PCNX2: variants seen among roughly 807,000 people sequenced by gnomAD.
PCNX2 encodes the protein pecanex-like protein 2.
PCNX2 carries 168 observed loss-of-function variants against 223.8 expected under a neutral mutation model. The observed-to-expected ratio is 0.75, with a 90% CI of 0.66 to 0.85. The LOEUF (loss-of-function observed/expected upper bound fraction) is 0.85. Among genes scored for constraint, PCNX2 ranks in the 40% least tolerant of loss-of-function variants. PCNX2 has a pLI of 0.00. For missense variants in PCNX2, 2,507 were observed against 2,675.5 expected, an observed-to-expected ratio of 0.94 and a Z score of 1.39; for synonymous variants, 1,006 against 1,052.6, an observed-to-expected ratio of 0.96 and a Z score of 0.86.
In PCNX2 at chr1:233,160,419, G is replaced by A. The variant is rs746687213; in HGVS notation, c.3381C>T (p.Ile1127=). ...CGGCTCCAGCCAAGGCAAACAGCAC[G>A]ATGCTGAGAAATGGCTGCGATAAAA... ...VFLSLRPFLS[I]VLFALAGAVG... Residue 1127 remains isoleucine, a synonymous_variant, in exon 19 of 34, where the codon ATC becomes ATT. Transcript: ENST00000258229. 82 of 1,613,530 alleles carry A rather than the reference G, an allele frequency of 5.1e-5. No individual in the cohort carries two copies. The highest frequency in any genetic ancestry group is 4.9e-4 in the Middle Eastern group (3 of 6,080).
At chr1:233,298,268 G>A (rs1434870064), upstream of PCNX2, among the ~76,000 whole-genome samples, 1 of 152,128 alleles carries the variant, frequency 6.6e-6, no homozygotes, top group East Asian at 1.9e-4. Context: ...AAATAAATGG[G>A]GAAAGAACAA....
At chr1:233,033,155 C>A (rs931784601) in intron 25 of PCNX2, 25 of 985,294 alleles carry the variant, frequency 2.5e-5, no homozygotes, top group Admixed American at 2.5e-4. Context: ...TTGAAACTGA[C>A]TCTTGGCACC....
At chr1:233,241,540 C>T (rs1658765446) in intron 8 of PCNX2, among the ~76,000 whole-genome samples, 1 of 152,176 alleles carries the variant, frequency 6.6e-6, no homozygotes, top group Non-Finnish European at 1.5e-5. Flanking sequence ...AGGGCAGACA[C>T]TATTCCAAGG....
At chr1:233,103,724 A>G (rs1333704186) in intron 21 of PCNX2, among the ~76,000 whole-genome samples, 1 of 152,190 alleles carries the variant, frequency 6.6e-6, no homozygotes, top group Non-Finnish European at 1.5e-5. Flanking sequence ...GGCTATTGTG[A>G]ATAGTGCTGC....
chr1:233,279,600 A>G (rs1381779126), intron 1 of PCNX2, among the ~76,000 whole-genome samples: 1 of 152,074 alleles, frequency 6.6e-6, no homozygotes, highest in Non-Finnish European at 1.5e-5. Flanking sequence ...TTATAATTTT[A>G]AAGATTACAA....
At chr1:233,107,563 A>G (rs572011084) in intron 21 of PCNX2, among the ~76,000 whole-genome samples, 50 of 152,328 alleles carry the variant, frequency 3.3e-4, no homozygotes, top group Non-Finnish European at 6.5e-4. Flanking sequence ...CTAATATACC[A>G]AATTTATCCA....
chr1:233,318,978 A>G, the PCNX2 span, among the ~76,000 whole-genome samples: 1 of 152,174 alleles, frequency 6.6e-6, no homozygotes, highest in Non-Finnish European at 1.5e-5. Flanking sequence ...CCAAGACTTC[A>G]GCACTGAATG....
At chr1:233,027,080 G>A (rs1370081970) in intron 25 of PCNX2, among the ~76,000 whole-genome samples, 1 of 151,692 alleles carries the variant, frequency 6.6e-6, no homozygotes, top group African/African-American at 2.4e-5. Context: ...TCCCAATAAA[G>A]TGATAGAGCA....
At chr1:233,005,746 C>T (rs548069902) in intron 28 of PCNX2, among the ~76,000 whole-genome samples, 1 of 152,308 alleles carries the variant, frequency 6.6e-6, no homozygotes, top group South Asian at 2.1e-4. Flanking sequence ...GTCCGCAGGA[C>T]ACCTGCAGTG....
At chr1:233,175,079 T>G (rs1397613818) in intron 17 of PCNX2, among the ~76,000 whole-genome samples, 1 of 151,646 alleles carries the variant, frequency 6.6e-6, no homozygotes, top group East Asian at 1.9e-4. Context: ...GGGGTTCTCA[T>G]ACAGACTAAA....
chr1:233,176,252 A>G (rs1187332670), intron 17 of PCNX2, among the ~76,000 whole-genome samples: 3 of 152,218 alleles, frequency 2.0e-5, no homozygotes, highest in African/African-American at 7.2e-5. Flanking sequence ...GACATCTGCT[A>G]AAAGAACTTT....
At chr1:233,120,059 C>G (rs1011797518) in intron 21 of PCNX2, among the ~76,000 whole-genome samples, 1 of 148,428 alleles carries the variant, frequency 6.7e-6, no homozygotes, top group African/African-American at 2.5e-5. Context: ...CCCAGCTACT[C>G]AGGAGGCTGA....
chr1:233,265,664 G>A (rs1487619713), intron 1 of PCNX2, among the ~76,000 whole-genome samples: 2 of 152,212 alleles, frequency 1.3e-5, no homozygotes, highest in Non-Finnish European at 2.9e-5. Context: ...TTAAACCACT[G>A]AGATTTGGAG....
intron 8 of PCNX2, among the ~76,000 whole-genome samples, chr1:233,248,787 C>G (rs993839811): frequency 6.6e-6 from 1 of 152,160 alleles, no homozygotes; most frequent in Non-Finnish European, 1.5e-5. Flanking sequence ...CCAAGCCACA[C>G]GCCTCACAAG....
At chr1:232,987,792 G>A (rs941607110) in intron 32 of PCNX2, among the ~76,000 whole-genome samples, 7 of 152,232 alleles carry the variant, frequency 4.6e-5, no homozygotes, top group African/African-American at 1.7e-4. Flanking sequence ...TAGGCTGAAG[G>A]GGCCTTTCTG....
the PCNX2 span, among the ~76,000 whole-genome samples, chr1:233,323,451 A>G: frequency 2.6e-4 from 39 of 152,160 alleles, no homozygotes; most frequent in South Asian, 2.1e-3. Flanking sequence ...ATTTTTTACA[A>G]ATTGAAGGTG....
chr1:233,201,523 T>C (rs1681117123), intron 13 of PCNX2: 1 of 152,218 alleles, frequency 6.6e-6, no homozygotes, highest in Admixed American at 6.5e-5. Flanking sequence ...CAAAATTCCA[T>C]AAAATTTCAA....
At chr1:233,277,142 C>T (rs547614603) in intron 1 of PCNX2, among the ~76,000 whole-genome samples, 1 of 152,200 alleles carries the variant, frequency 6.6e-6, no homozygotes, top group East Asian at 1.9e-4. Context: ...CAGCTGACTG[C>T]CTGGGTGGGA....
chr1:233,246,130 T>A (rs1427744679), intron 8 of PCNX2, among the ~76,000 whole-genome samples: 1 of 152,114 alleles, frequency 6.6e-6, no homozygotes, highest in Non-Finnish European at 1.5e-5. Context: ...GCCCTTCAGA[T>A]GGGATGAATG....
Sources: gnomAD v4.1 joint callset for allele counts (sites outside exome capture counted in the v4.1 genomes callset) on GRCh38, gnomAD v4.1.1 for gene constraint, MANE v1.5 for transcripts, NCBI Gene and HGNC (gene_info 2026-07-23, HGNC 2026-07-21) for gene names.